Variants in KLHL29 observed in about 807,000 individuals in gnomAD.
The protein encoded by KLHL29 is kelch like family member 29, also known as kelch-like protein 29.
Under a neutral mutation model 80.4 loss-of-function variants are expected in KLHL29, and 21 were observed. That is an observed-to-expected ratio of 0.26 (90% CI 0.19 to 0.38). KLHL29 has a LOEUF of 0.38. Among genes scored for constraint, KLHL29 ranks in the 10% least tolerant of loss-of-function variants. The pLI is 1.00. For missense variants in KLHL29, 867 were observed against 1,223.9 expected (o/e 0.71, Z 4.35); for synonymous variants, 511 against 526.8 (o/e 0.97, Z 0.41).
chr2:23,489,695 A>G (rs1665039820), intron 2 of KLHL29, among the ~76,000 whole-genome samples: 2 of 151,962 alleles, frequency 1.3e-5, no homozygotes, highest in South Asian at 4.2e-4. Context: ...GGACGGCACT[A>G]GATGGCCCCG....
intron 1 of KLHL29, among the ~76,000 whole-genome samples, chr2:23,453,422 C>T (rs953479051): frequency 6.6e-6 from 1 of 152,248 alleles, no homozygotes; most frequent in African/African-American, 2.4e-5. Context: ...CACATTGAGG[C>T]TTTTCAGAAA....
intron 2 of KLHL29, among the ~76,000 whole-genome samples, chr2:23,548,005 C>T (rs1440876379): frequency 6.6e-6 from 1 of 152,116 alleles, no homozygotes; most frequent in Non-Finnish European, 1.5e-5. Context: ...ACATCCTTCT[C>T]ACTCACACAC....
At chr2:23,472,432 A>G (rs368194199) in intron 1 of KLHL29, among the ~76,000 whole-genome samples, 28 of 152,252 alleles carry the variant, frequency 1.8e-4, no homozygotes, top group East Asian at 7.7e-4. Flanking sequence ...TCAGAAGATC[A>G]AGACCATCCT....
chr2:23,643,977 A>G (rs1185631360), intron 5 of KLHL29: 1 of 151,894 alleles, frequency 6.6e-6, no homozygotes, highest in Non-Finnish European at 1.5e-5. Flanking sequence ...AAGGAACCCC[A>G]CTAGCCACTC....
At chr2:23,450,910 C>A in intron 1 of KLHL29, among the ~76,000 whole-genome samples, 1 of 152,142 alleles carries the variant, frequency 6.6e-6, no homozygotes, top group East Asian at 1.9e-4. Context: ...ATTTTTCCTT[C>A]CCCCAATCAC....
intron 3 of KLHL29, among the ~76,000 whole-genome samples, chr2:23,620,088 A>T (rs1669131188): frequency 6.6e-6 from 1 of 152,126 alleles, no homozygotes; most frequent in Non-Finnish European, 1.5e-5. Context: ...GTCCCTGAGG[A>T]TAAGATGGAG....
intron 5 of KLHL29, among the ~76,000 whole-genome samples, chr2:23,646,788 T>C (rs2149161448): frequency 6.6e-6 from 1 of 152,326 alleles, no homozygotes; most frequent in South Asian, 2.1e-4. Flanking sequence ...TGAAAATACT[T>C]TGAGGCACAG....
intron 3 of KLHL29, among the ~76,000 whole-genome samples, chr2:23,638,578 A>C (rs1026172490): frequency 5.3e-5 from 8 of 152,148 alleles, no homozygotes; most frequent in Non-Finnish European, 1.0e-4. Flanking sequence ...CACTTCCTCC[A>C]TAGGACAATT....
chr2:23,576,521 C>T (rs1447030506), intron 3 of KLHL29, among the ~76,000 whole-genome samples: 1 of 152,082 alleles, frequency 6.6e-6, no homozygotes, highest in Non-Finnish European at 1.5e-5. Flanking sequence ...AATTAGGTTC[C>T]ATGTACCACA....
chr2:23,397,078 G>A (rs145882182), intron 1 of KLHL29, among the ~76,000 whole-genome samples: 60 of 152,332 alleles, frequency 3.9e-4, no homozygotes, highest in African/African-American at 1.4e-3. Context: ...GAAGGTAGGG[G>A]AGGATTTGTG....
intron 3 of KLHL29, among the ~76,000 whole-genome samples, chr2:23,627,748 G>A (rs909016343): frequency 3.3e-5 from 5 of 151,682 alleles, no homozygotes; most frequent in Non-Finnish European, 5.9e-5. Context: ...GTCAAGAGTC[G>A]AGCTCTCAGT....
intron 1 of KLHL29, among the ~76,000 whole-genome samples, chr2:23,441,477 A>G (rs1418148404): frequency 6.6e-6 from 1 of 151,404 alleles, no homozygotes; most frequent in Non-Finnish European, 1.5e-5. Flanking sequence ...CTTAAAGTAT[A>G]ATAAGAATAA....
chr2:23,625,122 G>C (rs1669276812), intron 3 of KLHL29, among the ~76,000 whole-genome samples: 2 of 152,220 alleles, frequency 1.3e-5, no homozygotes, highest in South Asian at 4.1e-4. Flanking sequence ...GGTCATCCAG[G>C]CTGGTTGGAT....
At chr2:23,552,592 AC>A (rs1253482828) in intron 2 of KLHL29, among the ~76,000 whole-genome samples, 2 of 151,872 alleles carry the variant, frequency 1.3e-5, no homozygotes, top group Non-Finnish European at 2.9e-5. Context: ...ACTGGCTGAG[AC>A]CTGGGAACAT....
At chr2:23,395,947 A>T (rs931324708) in intron 1 of KLHL29, among the ~76,000 whole-genome samples, 1 of 152,198 alleles carries the variant, frequency 6.6e-6, no homozygotes, top group Admixed American at 6.5e-5. Context: ...CGTTCCTGAC[A>T]GATTGGTGAT....
intron 1 of KLHL29, among the ~76,000 whole-genome samples, chr2:23,442,714 A>C (rs1018223300): frequency 1.3e-5 from 2 of 152,210 alleles, no homozygotes; most frequent in African/African-American, 2.4e-5. Context: ...TTGTTACAGC[A>C]GCGAGAGGAA....
In KLHL29 at chr2:23,521,318, A is replaced by G. The variant is rs576160095; in HGVS notation, c.-45-40834A>G. Among the ~76,000 whole-genome samples the G allele has an allele frequency of 5.9e-5, 9 of 152,322 alleles. 1 individual carries two copies. In the South Asian group the frequency reaches 6.2e-4, roughly 11 times the overall value. On this transcript the variant is annotated intron_variant, in intron 2 of 13. Coordinates refer to ENST00000486442, the MANE Select transcript of KLHL29 (RefSeq NM_052920.2). The stretch of plus-strand genomic sequence containing the variant: ...AGGAGGAAGGACAAGGGACTCCTAC[A>G]TGGCACCCTTGGAGGCGAGGTTCGT...
intron 2 of KLHL29, among the ~76,000 whole-genome samples, chr2:23,539,569 GT>G (rs1666776875): frequency 6.6e-6 from 1 of 151,082 alleles, no homozygotes; most frequent in African/African-American, 2.4e-5. Flanking sequence ...AGCCTTCTGA[GT>G]TGCTGGGACT....
intron 2 of KLHL29, among the ~76,000 whole-genome samples, chr2:23,494,142 A>C (rs1665187042): frequency 6.6e-6 from 1 of 152,210 alleles, no homozygotes; most frequent in Non-Finnish European, 1.5e-5. Flanking sequence ...TTAATAACAA[A>C]CTATTACTCT....
Sources: allele counts gnomAD v4.1 joint callset (sites outside exome capture counted in the v4.1 genomes callset), GRCh38; gene constraint gnomAD v4.1.1; transcripts MANE v1.5; gene names NCBI Gene and HGNC (gene_info 2026-07-23, HGNC 2026-07-21).